RANBP3L: variants seen among roughly 807,000 people sequenced by gnomAD.
RANBP3L encodes RAN binding protein 3 like.
Under a neutral mutation model 67.2 loss-of-function variants are expected in RANBP3L, and 56 were observed. The ratio of observed to expected loss-of-function variants is 0.83; its 90% CI spans 0.67 to 1.04. RANBP3L has a LOEUF of 1.04. RANBP3L is among the 50% of genes least tolerant of loss of function. The pLI is 0.00. For synonymous variants in RANBP3L, 164 were observed against 181.4 expected (o/e 0.90, Z 0.77); for missense variants, 496 against 535.5 (o/e 0.93, Z 0.73).
chr5:36,298,970 G>C (rs1363810518), intron 1 of RANBP3L, among the ~76,000 whole-genome samples: 4 of 152,166 alleles, frequency 2.6e-5, no homozygotes, highest in Non-Finnish European at 4.4e-5. Context: ...GGGTGTGTCT[G>C]TGAGGGCGTT....
At chr5:36,298,101 C>G (rs1752356050) in intron 1 of RANBP3L, among the ~76,000 whole-genome samples, 1 of 151,706 alleles carries the variant, frequency 6.6e-6, no homozygotes, top group East Asian at 1.9e-4. Context: ...GAGTTCGAGA[C>G]CAGCCTCACC....
At chr5:36,301,114 G>A (rs565793407) in intron 1 of RANBP3L, among the ~76,000 whole-genome samples, 142 of 152,248 alleles carry the variant, frequency 9.3e-4, no homozygotes, top group Non-Finnish European at 1.5e-3. Context: ...GTTTAAGCAT[G>A]TAAGTTTCAG....
At chr5:36,259,173 C>G in intron 8 of RANBP3L, among the ~76,000 whole-genome samples, 1 of 152,148 alleles carries the variant, frequency 6.6e-6, no homozygotes, top group East Asian at 1.9e-4. Flanking sequence ...TGGTTCACAT[C>G]CAAAGGCATA....
At chr5:36,265,646 G>C in intron 4 of RANBP3L, 126 bp from the exon 5 acceptor site, 1 of 531,808 alleles carries the variant, frequency 1.9e-6, no homozygotes, top group Non-Finnish European at 3.3e-6. Flanking sequence ...CAGAGTAGTA[G>C]GTAGTGCCCT....
chr5:36,265,719 T>A (rs912952586), intron 4 of RANBP3L, among the ~76,000 whole-genome samples, 199 bp from the exon 5 acceptor site: 1 of 152,042 alleles, frequency 6.6e-6, no homozygotes, highest in Non-Finnish European at 1.5e-5. Context: ...GCGCCTGTAA[T>A]CCTAGCACTT....
rs1484892191 is a variant in RANBP3L at position 36,257,459 on chromosome 5, C to G, written c.767G>C (p.Ser256Thr). The change falls in exon 9 of 14, where the codon AGT becomes ACT. Residue 256 changes from serine (S) to threonine (T), a missense_variant. Ser to Thr is a moderately conservative substitution (Grantham distance 58, BLOSUM62 1). Transcript: ENST00000296604. ...ACAAATGAAAGAATTCTTACTTGAA[C>G]TTAAAAAGTTGACAGGAAATTTCGG... ...SIPKFPVNFL[S>T]SRTDSIKNTS... 1.3e-6 allele frequency: 2 copies of G among 1,510,494 alleles called. No homozygotes were observed. Among genetic ancestry groups the G allele is most frequent in the African/African-American group, 2.8e-5 (2 of 72,486 alleles). The allele number at this position is 1,510,494 out of a possible 1,614,324, so 93.6% of individuals were successfully genotyped here.
chr5:36,300,098 C>A (rs559618713), intron 1 of RANBP3L, among the ~76,000 whole-genome samples: 1 of 152,244 alleles, frequency 6.6e-6, no homozygotes, highest in South Asian at 2.1e-4. Context: ...GTCACTTTAA[C>A]ATTTCATACA....
chr5:36,270,690 G>T (rs1346621544), intron 2 of RANBP3L, among the ~76,000 whole-genome samples: 1 of 152,054 alleles, frequency 6.6e-6, no homozygotes, highest in Non-Finnish European at 1.5e-5. Flanking sequence ...TAGAGATGGG[G>T]TCTTGCTTTA....
chr5:36,273,348 T>C (rs1750356742), intron 1 of RANBP3L, among the ~76,000 whole-genome samples: 1 of 152,090 alleles, frequency 6.6e-6, no homozygotes, highest in Non-Finnish European at 1.5e-5. Flanking sequence ...AAAGAGGAAG[T>C]CACAAAGAGT....
intron 1 of RANBP3L, among the ~76,000 whole-genome samples, chr5:36,295,093 A>G (rs1369608442): frequency 6.6e-6 from 1 of 151,976 alleles, no homozygotes; most frequent in Non-Finnish European, 1.5e-5. Flanking sequence ...GCATAGGTGC[A>G]CAAGTATCTG....
chr5:36,276,494 G>GA (rs35238785), intron 1 of RANBP3L, among the ~76,000 whole-genome samples: 1 of 151,844 alleles, frequency 6.6e-6, no homozygotes, highest in Non-Finnish European at 1.5e-5. Context: ...ATGTATAGGG[G>GA]AAAAAAAATT....
intron 4 of RANBP3L, among the ~76,000 whole-genome samples, chr5:36,266,585 C>T (rs909397321): frequency 9.2e-5 from 14 of 152,142 alleles, no homozygotes; most frequent in African/African-American, 3.4e-4. Flanking sequence ...TAACATTCTG[C>T]ACAACATAAA....
At chr5:36,266,372 T>G (rs1749789115) in intron 4 of RANBP3L, among the ~76,000 whole-genome samples, 1 of 152,190 alleles carries the variant, frequency 6.6e-6, no homozygotes, top group African/African-American at 2.4e-5. Context: ...CTCCTCTTCA[T>G]TGCAAATTGC....
intron 1 of RANBP3L, among the ~76,000 whole-genome samples, chr5:36,271,526 T>C (rs2362981): frequency 0.054 from 8,260 of 152,274 alleles, 795 homozygotes; most frequent in African/African-American, 0.19. Context: ...GATAGCAGTA[T>C]GTTTCCATAA....
At position 36,259,256 on chromosome 5, in the gene RANBP3L, C is replaced by A. The variant is rs868424635; in HGVS notation, c.669+1524G>T. ...AGAAGGGTTCCTAAATAAACTAAGC[C>A]TTTAAAATGACTAACATATGAAAGC... On this transcript the variant is annotated intron_variant, in intron 8 of 13. Transcript: ENST00000296604. Among the ~76,000 whole-genome samples the A allele has an allele frequency of 3.9e-5, 6 of 152,236 alleles. No individual in the cohort carries two copies. The South Asian group carries it at 8.3e-4, about 21-fold the overall frequency.
chr5:36,290,224 C>T (rs1579776881), intron 1 of RANBP3L, among the ~76,000 whole-genome samples: 2 of 144,014 alleles, frequency 1.4e-5, no homozygotes, highest in East Asian at 2.0e-4. Flanking sequence ...TCTGTCTCAC[C>T]TTTTTTTTTT....
At chr5:36,274,773 G>A (rs1016057510) in intron 1 of RANBP3L, among the ~76,000 whole-genome samples, 2 of 152,094 alleles carry the variant, frequency 1.3e-5, no homozygotes, top group Admixed American at 6.6e-5. Flanking sequence ...AGGGTATTGG[G>A]GGGAAGGGGC....
intron 8 of RANBP3L, among the ~76,000 whole-genome samples, chr5:36,260,360 C>CCA: frequency 1.3e-5 from 1 of 79,032 alleles, no homozygotes; most frequent in South Asian, 3.9e-4. Context: ...GACTCTGTCT[C>CCA]AAAAAAAAAA....
chr5:36,296,103 C>T (rs558067908), intron 1 of RANBP3L, among the ~76,000 whole-genome samples: 39 of 152,268 alleles, frequency 2.6e-4, no homozygotes, highest in African/African-American at 8.9e-4. Flanking sequence ...TCCAGTCCTC[C>T]TCCCATGTAC....
Sources: allele counts gnomAD v4.1 joint callset (sites outside exome capture counted in the v4.1 genomes callset), GRCh38; gene constraint gnomAD v4.1.1; transcripts MANE v1.5; gene names NCBI Gene and HGNC (gene_info 2026-07-23, HGNC 2026-07-21).